SNX7: variants seen among roughly 807,000 people sequenced by gnomAD.
SNX7 encodes sorting nexin 7, also known as sorting nexin-7.
In SNX7, 35 loss-of-function variants were observed where a neutral mutation model predicts 48.4. The ratio of observed to expected loss-of-function variants is 0.72; its 90% CI spans 0.55 to 0.96. The LOEUF (loss-of-function observed/expected upper bound fraction) is 0.96, where lower values mean the gene tolerates loss of function less well. Ranked by LOEUF, SNX7 falls within the 40% of genes least tolerant of loss-of-function variation. The pLI is 0.00. For missense variants in SNX7, 553 were observed against 548.9 expected (o/e 1.01, Z -0.07); for synonymous variants, 190 against 190.2 (o/e 1.00, Z 0.01).
intron 1 of SNX7, among the ~76,000 whole-genome samples, chr1:98,666,097 T>A (rs1384813873): frequency 6.6e-6 from 1 of 152,234 alleles, no homozygotes; most frequent in Non-Finnish European, 1.5e-5. Context: ...ATATATTCTC[T>A]GCACAGTCTA....
At chr1:98,751,501 C>G (rs1029660662) in intron 8 of SNX7, among the ~76,000 whole-genome samples, 3 of 152,022 alleles carry the variant, frequency 2.0e-5, no homozygotes, top group Admixed American at 6.6e-5. Flanking sequence ...CCTGTGGTGG[C>G]TCTCTTTCTC....
At chr1:98,687,680 G>A (rs10875173) in intron 2 of SNX7, among the ~76,000 whole-genome samples, 145,943 of 152,200 alleles carry the variant, frequency 0.96, 69,997 homozygotes, top group East Asian at 1. Flanking sequence ...AATTAATTTT[G>A]TACTGTGTTA....
chr1:98,701,788 C>A, intron 6 of SNX7, 29 bp from the exon 7 acceptor site: 10 of 1,464,742 alleles, frequency 6.8e-6, no homozygotes, highest in Non-Finnish European at 8.5e-6. Flanking sequence ...TAAGTACAGC[C>A]TATTTTATCT....
intron 8 of SNX7, among the ~76,000 whole-genome samples, chr1:98,752,281 T>A (rs1243463090): frequency 4.6e-5 from 7 of 152,042 alleles, no homozygotes; most frequent in Non-Finnish European, 8.8e-5. Context: ...GCAAAGAAAT[T>A]TAAGGAGCCT....
At chr1:98,679,813 C>G (rs775602824) in intron 1 of SNX7, among the ~76,000 whole-genome samples, 8 of 152,208 alleles carry the variant, frequency 5.3e-5, no homozygotes, top group Non-Finnish European at 5.9e-5. Context: ...TGTGGCTTTG[C>G]AGGGTATAGC....
intron 1 of SNX7, among the ~76,000 whole-genome samples, chr1:98,671,669 A>G (rs1649870890): frequency 6.6e-6 from 1 of 152,282 alleles, no homozygotes; most frequent in East Asian, 1.9e-4. Context: ...AATATGATCC[A>G]TTATGCCTGC....
At chr1:98,674,355 T>A (rs1650042585) in intron 1 of SNX7, among the ~76,000 whole-genome samples, 1 of 152,240 alleles carries the variant, frequency 6.6e-6, no homozygotes, top group South Asian at 2.1e-4. Flanking sequence ...GCAGAGTTGG[T>A]TCCTTCTGAG....
intron 8 of SNX7, among the ~76,000 whole-genome samples, chr1:98,750,549 A>G (rs1378244295): frequency 6.6e-6 from 1 of 152,126 alleles, no homozygotes; most frequent in African/African-American, 2.4e-5. Context: ...GTGAGTCACT[A>G]AAAATAGTTT....
intron 7 of SNX7, among the ~76,000 whole-genome samples, chr1:98,719,330 T>G (rs559131723): frequency 8.5e-5 from 13 of 152,240 alleles, no homozygotes; most frequent in African/African-American, 3.1e-4. Flanking sequence ...TCTCACCAGC[T>G]GGCTTATTCC....
chr1:98,759,019 T>A (rs1654991842), intron 8 of SNX7, among the ~76,000 whole-genome samples: 1 of 151,936 alleles, frequency 6.6e-6, no homozygotes, highest in African/African-American at 2.4e-5. Flanking sequence ...AACATTTGAG[T>A]TTTTACAGTG....
chr1:98,662,930 C>T lies in SNX7; in HGVS notation c.180+1019C>T, dbSNP rs911973970. 3 of 974,510 alleles carry T rather than the reference C, an allele frequency of 3.1e-6. No individual in the cohort carries two copies. The African/African-American group carries it at 5.1e-5, about 17-fold the overall frequency. The allele number at this position is 974,510 out of a possible 1,614,324, so 60.4% of individuals were successfully genotyped here. A position where few individuals can be genotyped will look rare whatever the true frequency, so the allele number is the denominator to read the frequency against. On this transcript the variant is annotated intron_variant, in intron 1 of 8. Coordinates refer to ENST00000306121, the MANE Select transcript of SNX7 (RefSeq NM_015976.5). The stretch of plus-strand genomic sequence containing the variant: ...GAGGAGTATATAAAACTTATTTCTA[C>T]TTCGGTTTAAATGGAATGATAGGCC...
intron 8 of SNX7, among the ~76,000 whole-genome samples, chr1:98,739,797 A>G (rs1163454544): frequency 6.6e-6 from 1 of 152,180 alleles, no homozygotes; most frequent in East Asian, 1.9e-4. Flanking sequence ...AGGAAGAAGG[A>G]GTGAAGGTAG....
chr1:98,712,047 T>G (rs1049661201), intron 7 of SNX7, among the ~76,000 whole-genome samples: 2 of 152,204 alleles, frequency 1.3e-5, no homozygotes, highest in African/African-American at 4.8e-5. Context: ...TTGTAGCAAT[T>G]CGGTCATCTC....
intron 7 of SNX7, among the ~76,000 whole-genome samples, chr1:98,712,524 C>G (rs985435083): frequency 2.0e-5 from 3 of 152,108 alleles, no homozygotes; most frequent in African/African-American, 7.2e-5. Context: ...CAGTAGATCT[C>G]AAGAGTGGGC....
intron 1 of SNX7, among the ~76,000 whole-genome samples, chr1:98,683,419 T>G (rs1210411626): frequency 6.6e-6 from 1 of 152,022 alleles, no homozygotes; most frequent in Non-Finnish European, 1.5e-5. Flanking sequence ...GGTATGAATA[T>G]TTGTGTCCAC....
intron 1 of SNX7, among the ~76,000 whole-genome samples, chr1:98,678,401 A>G (rs1188465591): frequency 6.6e-6 from 1 of 152,174 alleles, no homozygotes; most frequent in African/African-American, 2.4e-5. Flanking sequence ...ACATTTCAAC[A>G]TGAGATTTGG....
chr1:98,680,054 A>G (rs537969654), intron 1 of SNX7, among the ~76,000 whole-genome samples: 3 of 152,300 alleles, frequency 2.0e-5, no homozygotes, highest in Non-Finnish European at 2.9e-5. Context: ...CTCCATCCCT[A>G]TAGCAAACTT....
chr1:98,677,144 A>G (rs1324483889), intron 1 of SNX7, among the ~76,000 whole-genome samples: 3 of 152,240 alleles, frequency 2.0e-5, no homozygotes, highest in Admixed American at 6.5e-5. Flanking sequence ...AGATAACTCA[A>G]ATATTCTATT....
chr1:98,694,860 G>A (rs1360049875), intron 4 of SNX7, among the ~76,000 whole-genome samples: 1 of 151,656 alleles, frequency 6.6e-6, no homozygotes, highest in Non-Finnish European at 1.5e-5. Context: ...GCCCTCCTCG[G>A]CCTCCCAAAG....
Sources: gnomAD v4.1 joint callset for allele counts (sites outside exome capture counted in the v4.1 genomes callset) on GRCh38, gnomAD v4.1.1 for gene constraint, MANE v1.5 for transcripts, NCBI Gene and HGNC (gene_info 2026-07-23, HGNC 2026-07-21) for gene names.